Variants in SCN10A observed in about 807,000 individuals in gnomAD.
The protein encoded by SCN10A is sodium channel protein type 10 subunit alpha.
SCN10A carries 162 observed loss-of-function variants against 170.7 expected under a neutral mutation model. That is an observed-to-expected ratio of 0.95 (90% CI 0.84 to 1.08). SCN10A has a LOEUF of 1.08. Ranked by LOEUF, SCN10A falls within the 50% of genes least tolerant of loss-of-function variation. SCN10A has a pLI of 0.00. For missense variants in SCN10A, 2,527 were observed against 2,436.9 expected, an observed-to-expected ratio of 1.04 and a Z score of -0.78; for synonymous variants, 985 against 904.6, an observed-to-expected ratio of 1.09 and a Z score of -1.59.
intron 1 of SCN10A, among the ~76,000 whole-genome samples, chr3:38,801,810 G>T (rs778034132): frequency 1.3e-5 from 2 of 152,128 alleles, no homozygotes; most frequent in African/African-American, 4.8e-5. Flanking sequence ...GTGTAGGATT[G>T]TACCTTCTCA....
rs1039409974 is a variant in SCN10A, at chr3:38,758,220, T to C, written c.951-1061A>G. Among the ~76,000 whole-genome samples the C allele has an allele frequency of 7.2e-5, 11 of 152,294 alleles. No homozygotes were observed. In the East Asian group the frequency reaches 1.7e-3, roughly 24 times the overall value. ...AGTTCCAAGTCTATCTCCACTTCGA[T>C]TGAAGATTGCAAGTTCCCTGGCTTT... is the stretch of plus-strand genomic sequence containing the variant. On this transcript the variant is annotated intron_variant, in intron 8 of 27. Coordinates refer to ENST00000449082, the MANE Select transcript of SCN10A (RefSeq NM_006514.4).
At position 38,746,713 on chromosome 3, in the gene SCN10A, C is replaced by T. The variant is rs1021948086; in HGVS notation, c.1867+3360G>A. ...ATTCCTTCAAATGTTATTCTCTCTTCTGCTTTGCAGTCCTTTCAGCCTGGG... is the reference window on the plus strand; with the variant it reads ...ATTCCTTCAAATGTTATTCTCTCTTTTGCTTTGCAGTCCTTTCAGCCTGGG... On this transcript the variant is annotated intron_variant, in intron 13 of 27. Transcript: ENST00000449082. Among the ~76,000 whole-genome samples the T allele has an allele frequency of 2.6e-5, 4 of 152,298 alleles. No individual in the cohort carries two copies. In the East Asian group the frequency reaches 5.8e-4, roughly 22 times the overall value.
At chr3:38,723,580 A>G in intron 18 of SCN10A, 27 bp from the exon 19 acceptor site, 1 of 1,563,344 alleles carries the variant, frequency 6.4e-7, no homozygotes, top group African/African-American at 1.4e-5. Context: ...CAGGGCAGTG[A>G]ACTCGTCTCT....
intron 5 of SCN10A, 85 bp from the exon 6 acceptor site, chr3:38,763,681 C>A: frequency 1.0e-6 from 1 of 969,788 alleles, no homozygotes; most frequent in Non-Finnish European, 1.7e-6. Flanking sequence ...CCTGGGGTAT[C>A]ATTAGCCTAG....
intron 1 of SCN10A, among the ~76,000 whole-genome samples, chr3:38,796,204 A>C (rs565226951): frequency 6.6e-6 from 1 of 152,148 alleles, no homozygotes; most frequent in Non-Finnish European, 1.5e-5. Flanking sequence ...TTTTACTGCC[A>C]TTAGCCCCAA....
chr3:38,736,406 T>TGTGTGTGG (rs200174644), intron 15 of SCN10A, among the ~76,000 whole-genome samples: 1 of 134,774 alleles, frequency 7.4e-6, no homozygotes, highest in African/African-American at 2.8e-5. Context: ...TGTGTGTGTG[T>TGTGTGTGG]TGTGGGATTG....
chr3:38,737,197 C>T (rs149628162), intron 15 of SCN10A, among the ~76,000 whole-genome samples: 10,308 of 151,320 alleles, frequency 0.068, 413 homozygotes, highest in African/African-American at 0.1. Context: ...GTCTCGATCT[C>T]CTGACCTTGT....
chr3:38,775,116 T>C (rs2064056865), intron 4 of SCN10A, among the ~76,000 whole-genome samples: 1 of 152,218 alleles, frequency 6.6e-6, no homozygotes, highest in Admixed American at 6.5e-5. Flanking sequence ...AATTTACCAC[T>C]TTCACCATTT....
intron 1 of SCN10A, among the ~76,000 whole-genome samples, chr3:38,799,889 C>T (rs917217989): frequency 6.6e-6 from 1 of 152,114 alleles, no homozygotes; most frequent in African/African-American, 2.4e-5. Context: ...TTCGCTGGTC[C>T]TATAAGCTTG....
intron 4 of SCN10A, among the ~76,000 whole-genome samples, chr3:38,778,419 A>G (rs747920698): frequency 9.2e-5 from 14 of 151,796 alleles, no homozygotes; most frequent in Non-Finnish European, 1.6e-4. Context: ...CTGGTGCCCA[A>G]TCTGAGGAAG....
chr3:38,738,211 T>A (rs2063591829), intron 15 of SCN10A, among the ~76,000 whole-genome samples: 1 of 152,046 alleles, frequency 6.6e-6, no homozygotes, highest in Admixed American at 6.6e-5. Flanking sequence ...GGATTACAGG[T>A]GTGAGCCACT....
At chr3:38,718,541 T>G (rs942697987) in intron 21 of SCN10A, 112 bp downstream of exon 21, 66 of 1,102,460 alleles carry the variant, frequency 6.0e-5, no homozygotes, top group Non-Finnish European at 8.3e-5. Flanking sequence ...CTCAAAACTT[T>G]TCTTTGGAGT....
chr3:38,728,414 G>T, intron 16 of SCN10A, 128 bp downstream of exon 16: 2 of 1,056,090 alleles, frequency 1.9e-6, no homozygotes, highest in Non-Finnish European at 1.3e-6. Flanking sequence ...AATTTGAAAA[G>T]TTTGAAGACT....
rs1057524558 is a variant in SCN10A at position 38,756,704 on chromosome 3, C to T, written c.1260G>A (p.Glu420=). 2.5e-6 allele frequency: 4 copies of T among 1,614,038 alleles called. No individual in the cohort carries two copies. Among genetic ancestry groups the T allele is most frequent in the East Asian group, 2.2e-5 (1 of 44,894 alleles). The change falls in exon 10 of 28, where the codon GAG becomes GAA. Residue 420 remains glutamate (E), a synonymous_variant. Transcript: ENST00000449082. Reference sequence around the variant, plus strand: ...GCTCCTTCCGGAGCATCTCGAGGGCCTCCTGGAACTTCTTCTCCTTTGCTT... The same window carrying T: ...GCTCCTTCCGGAGCATCTCGAGGGCTTCCTGGAACTTCTTCTCCTTTGCTT... ...EIEAKEKKFQ[E]ALEMLRKEQE...
chr3:38,811,263 G>T (rs2064439663), intron 1 of SCN10A, among the ~76,000 whole-genome samples: 1 of 152,060 alleles, frequency 6.6e-6, no homozygotes, highest in Non-Finnish European at 1.5e-5. Context: ...GACCAGCCTA[G>T]CCAACATGAT....
At chr3:38,727,970 T>C (rs1054555553) in intron 16 of SCN10A, among the ~76,000 whole-genome samples, 4 of 152,144 alleles carry the variant, frequency 2.6e-5, no homozygotes, top group Admixed American at 2.6e-4. Context: ...CCGTGACCCA[T>C]TGTGCCCCCT....
chr3:38,714,023 T>C lies in SCN10A; in HGVS notation c.3739A>G (p.Lys1247Glu), dbSNP rs754365087. ...AGAGCGCGAAGGGTTCGAAGGGCTTTGATGGGAGCCACTTCAGAATATTCC... is the reference window on the plus strand; with the variant it reads ...AGAGCGCGAAGGGTTCGAAGGGCTTCGATGGGAGCCACTTCAGAATATTCC... ...ILEYSEVAPI[K>E]ALRTLRALRP... Residue 1247 changes from lysine (K) to glutamate (E), a missense_variant, in exon 22 of 28, where the codon AAA (lysine) becomes GAA (glutamate). By Grantham distance (56) the Lys-to-Glu change is moderately conservative. Coordinates refer to ENST00000449082, the MANE Select transcript of SCN10A (RefSeq NM_006514.4). 20 of 1,614,076 alleles carry C rather than the reference T, an allele frequency of 1.2e-5. No individual in the cohort carries two copies. Among genetic ancestry groups the C allele is most frequent in the Non-Finnish European group, 1.7e-5 (20 of 1,180,056 alleles).
intron 15 of SCN10A, among the ~76,000 whole-genome samples, chr3:38,735,539 A>G (rs751167068): frequency 6.6e-6 from 1 of 152,264 alleles, no homozygotes; most frequent in Non-Finnish European, 1.5e-5. Context: ...GGGAAAAACA[A>G]TAGCAGTTTT....
At chr3:38,753,210 G>A (rs1576003570) in intron 11 of SCN10A, among the ~76,000 whole-genome samples, 1 of 152,172 alleles carries the variant, frequency 6.6e-6, no homozygotes, top group African/African-American at 2.4e-5. Context: ...GGAACTGTGT[G>A]GCTTAAAGTT....
Sources: gnomAD v4.1 joint callset for allele counts (sites outside exome capture counted in the v4.1 genomes callset) on GRCh38, gnomAD v4.1.1 for gene constraint, MANE v1.5 for transcripts, NCBI Gene and HGNC (gene_info 2026-07-23, HGNC 2026-07-21) for gene names.